The following CDKAL1 variants were observed in gnomAD, a reference collection of about 807,000 sequenced individuals.
The protein encoded by CDKAL1 is CDKAL1 threonylcarbamoyladenosine tRNA methylthiotransferase, also known as threonylcarbamoyladenosine tRNA methylthiotransferase.
A neutral mutation model predicts 68.2 loss-of-function variants in CDKAL1; 32 were observed. The ratio of observed to expected loss-of-function variants is 0.47; its 90% CI spans 0.35 to 0.63. The LOEUF is 0.63. Among genes scored for constraint, CDKAL1 ranks in the 30% least tolerant of loss-of-function variants. CDKAL1 has a pLI of 0.00. For synonymous variants in CDKAL1, 234 were observed against 244.3 expected (o/e 0.96, Z 0.39); for missense variants, 606 against 696.7 (o/e 0.87, Z 1.47).
At chr6:20,585,080 G>C (rs542390802) in intron 4 of CDKAL1, among the ~76,000 whole-genome samples, 1 of 133,330 alleles carries the variant, frequency 7.5e-6, no homozygotes, top group Admixed American at 8.1e-5. Context: ...TTTTTGAGAC[G>C]GAGTCTCGCT....
intron 4 of CDKAL1, among the ~76,000 whole-genome samples, chr6:20,584,388 G>A (rs981093512): frequency 6.6e-6 from 1 of 152,128 alleles, no homozygotes; most frequent in Non-Finnish European, 1.5e-5. Flanking sequence ...TGAGAGGTGA[G>A]TTAAAATAGG....
At chr6:21,040,728 A>T (rs1313001978) in intron 11 of CDKAL1, among the ~76,000 whole-genome samples, 1 of 152,188 alleles carries the variant, frequency 6.6e-6, no homozygotes, top group Non-Finnish European at 1.5e-5. Context: ...CCAAATACTT[A>T]TACTAAGAAT....
chr6:21,201,236 A>C lies in CDKAL1; in HGVS notation c.1510A>C (p.Lys504Gln). The C allele has an allele frequency of 2.5e-6, 4 of 1,612,096 alleles. No individual in the cohort carries two copies. The highest frequency in any genetic ancestry group is 3.4e-6 in the Non-Finnish European group (4 of 1,178,346). The change falls in exon 15 of 16, where the codon AAA becomes CAA. Residue 504 changes from lysine to glutamine, a missense_variant. Physicochemically the swap from Lys to Gln is moderately conservative, Grantham distance 53 (BLOSUM62 1). Transcript: ENST00000274695. The part of the protein sequence containing the change: ...DAKVYTPSIS[K>Q]PLAKGEVSGL... ...CAAAGTGTACACGCCCTCCATCAGC[A>C]AACCGCTAGCAAAGGGAGAAGTCTC...
In CDKAL1 at chr6:20,609,064, G is replaced by T. The variant is rs1007983579; in HGVS notation, c.287-40229G>T. On this transcript the variant is annotated intron_variant, in intron 4 of 15. Transcript: ENST00000274695. ...ATGTCTGTGTCTTTATCTGTGTTAC[G>T]AATGCTTTGGACTGCACATATGGGA... 1.3e-4 allele frequency among the ~76,000 whole-genome samples: 20 copies of T among 152,256 alleles called. No individual in the cohort carries two copies. In the East Asian group the frequency reaches 3.9e-3, roughly 29 times the overall value.
chr6:20,991,304 T>A (rs1057496269), intron 10 of CDKAL1, among the ~76,000 whole-genome samples: 35 of 151,896 alleles, frequency 2.3e-4, no homozygotes, highest in African/African-American at 7.0e-4. Context: ...GGGTACAGAG[T>A]TTCAGTCTGG....
intron 9 of CDKAL1, among the ~76,000 whole-genome samples, chr6:20,926,919 A>T (rs1763214824): frequency 6.8e-6 from 1 of 147,746 alleles, no homozygotes; most frequent in South Asian, 2.1e-4. Context: ...ATTTACATAT[A>T]TATTTTTATA....
intron 4 of CDKAL1, among the ~76,000 whole-genome samples, chr6:20,591,568 C>T (rs1434761543): frequency 4.6e-5 from 7 of 152,018 alleles, no homozygotes; most frequent in Admixed American, 4.6e-4. Context: ...TGTTAGGGGT[C>T]CAGTTTCAGT....
chr6:20,812,409 CAGT>C (rs1365392790), intron 8 of CDKAL1, among the ~76,000 whole-genome samples: 1 of 152,184 alleles, frequency 6.6e-6, no homozygotes, highest in Non-Finnish European at 1.5e-5. Context: ...GACATGCTGT[CAGT>C]AGTCTTTCTA....
rs144053545 is a variant in CDKAL1 at position 20,657,901 on chromosome 6, C to T, written c.371+8524C>T. ...TAGGAAGCCCCCTGTGTTATGATGGCAGCCTGCTGGATGCATACTAGTTCC... is the reference window on the plus strand; with the variant it reads ...TAGGAAGCCCCCTGTGTTATGATGGTAGCCTGCTGGATGCATACTAGTTCC... On this transcript the variant is annotated intron_variant, in intron 5 of 15. Coordinates refer to ENST00000274695, the MANE Select transcript of CDKAL1 (RefSeq NM_017774.3). 3.3e-3 allele frequency among the ~76,000 whole-genome samples: 508 copies of T among 152,268 alleles called. 6 individuals carry two copies. The highest frequency in any genetic ancestry group is 0.011 in the African/African-American group (475 of 41,556).
At chr6:20,716,045 G>A (rs1000385218) in intron 5 of CDKAL1, among the ~76,000 whole-genome samples, 1 of 152,168 alleles carries the variant, frequency 6.6e-6, no homozygotes, top group Non-Finnish European at 1.5e-5. Flanking sequence ...GACATTTGAA[G>A]GGAAAAGGAT....
chr6:21,028,398 A>T (rs779773715), intron 11 of CDKAL1, among the ~76,000 whole-genome samples: 2 of 152,168 alleles, frequency 1.3e-5, no homozygotes, highest in African/African-American at 2.4e-5. Context: ...CAATAGAAAT[A>T]TATTTTCTCA....
chr6:21,179,945 C>G (rs751519074), intron 13 of CDKAL1, among the ~76,000 whole-genome samples: 2 of 152,044 alleles, frequency 1.3e-5, no homozygotes, highest in Non-Finnish European at 2.9e-5. Flanking sequence ...TGCTCAAGCC[C>G]GGGAAGTCGA....
At chr6:21,019,395 A>T in intron 11 of CDKAL1, among the ~76,000 whole-genome samples, 1 of 152,124 alleles carries the variant, frequency 6.6e-6, no homozygotes, top group East Asian at 1.9e-4. Flanking sequence ...CCCATTTGTT[A>T]CGACACTGCA....
At chr6:20,783,506 C>T (rs1261853848) in intron 8 of CDKAL1, among the ~76,000 whole-genome samples, 3 of 152,182 alleles carry the variant, frequency 2.0e-5, no homozygotes, top group Admixed American at 2.0e-4. Flanking sequence ...ACTCCAGATT[C>T]TTCTCTGTCT....
rs549352474 is a variant in CDKAL1, at chr6:21,109,662, A to G, written c.1299+1199A>G. ...TTTGAAAGAGATTGAGAGAGCCAATAGGGTCTGACAATGCAGACAGAAGGA... is the reference window on the plus strand; with the variant it reads ...TTTGAAAGAGATTGAGAGAGCCAATGGGGTCTGACAATGCAGACAGAAGGA... On this transcript the variant is annotated intron_variant, in intron 13 of 15. Transcript: ENST00000274695. 4.6e-5 allele frequency among the ~76,000 whole-genome samples: 7 copies of G among 152,386 alleles called. No individual in the cohort carries two copies. The East Asian group carries it at 1.3e-3, about 29-fold the overall frequency.
intron 4 of CDKAL1, among the ~76,000 whole-genome samples, chr6:20,647,906 T>G (rs1454904006): frequency 1.3e-5 from 2 of 151,414 alleles, no homozygotes; most frequent in Admixed American, 1.3e-4. Context: ...TGCCTTTCAT[T>G]GTTTCAACAT....
chr6:20,579,236 C>T (rs543218807), intron 4 of CDKAL1, among the ~76,000 whole-genome samples: 82 of 152,226 alleles, frequency 5.4e-4, no homozygotes, highest in Non-Finnish European at 9.3e-4. Context: ...GCTTCAGCCT[C>T]CCAAAGCACT....
At chr6:21,066,603 C>T (rs1771454827) in intron 12 of CDKAL1, among the ~76,000 whole-genome samples, 1 of 152,054 alleles carries the variant, frequency 6.6e-6, no homozygotes, top group African/African-American at 2.4e-5. Flanking sequence ...TTCCTTTTTA[C>T]CCTTTTGTTT....
At chr6:20,873,361 A>T (rs1010347050) in intron 9 of CDKAL1, among the ~76,000 whole-genome samples, 2 of 152,216 alleles carry the variant, frequency 1.3e-5, no homozygotes, top group Non-Finnish European at 2.9e-5. Context: ...GTATGCATTT[A>T]TAAACTCTCA....
Sources: allele counts gnomAD v4.1 joint callset (sites outside exome capture counted in the v4.1 genomes callset), GRCh38; gene constraint gnomAD v4.1.1; transcripts MANE v1.5; gene names NCBI Gene and HGNC (gene_info 2026-07-23, HGNC 2026-07-21).